RNF220: variants seen among roughly 807,000 people sequenced by gnomAD.
RNF220 encodes the protein E3 ubiquitin-protein ligase RNF220.
RNF220 carries 7 observed loss-of-function variants against 67.1 expected under a neutral mutation model. That is an observed-to-expected ratio of 0.10 (90% confidence interval 0.06 to 0.20). RNF220 has a LOEUF of 0.20. RNF220 is among the 10% of genes least tolerant of loss of function. The pLI, the probability that RNF220 is intolerant of heterozygous loss-of-function variation, is 1.00. For synonymous variants in RNF220, 270 were observed against 283.2 expected (o/e 0.95, Z 0.47); for missense variants, 565 against 740.3 (o/e 0.76, Z 2.75).
chr1:44,497,949 G>A (rs558265124), intron 2 of RNF220, among the ~76,000 whole-genome samples: 2 of 152,194 alleles, frequency 1.3e-5, no homozygotes, highest in Non-Finnish European at 2.9e-5. Context: ...CTTGATACTT[G>A]GAAAGCTGCT....
At chr1:44,589,769 T>C (rs1248948080) in intron 2 of RNF220, among the ~76,000 whole-genome samples, 1 of 152,154 alleles carries the variant, frequency 6.6e-6, no homozygotes, top group Non-Finnish European at 1.5e-5. Context: ...TCATCCCTTG[T>C]GTCTTATATT....
chr1:44,623,509 G>A (rs920275953), intron 4 of RNF220, among the ~76,000 whole-genome samples: 7 of 152,246 alleles, frequency 4.6e-5, no homozygotes, highest in African/African-American at 1.7e-4. Context: ...TACATGGGGA[G>A]AACCAAACCC....
chr1:44,418,451 C>A (rs1648833361), intron 2 of RNF220, among the ~76,000 whole-genome samples: 1 of 152,194 alleles, frequency 6.6e-6, no homozygotes, highest in Admixed American at 6.5e-5. Flanking sequence ...GTCCAGGGCT[C>A]CGTCCTTCGG....
At chr1:44,518,461 A>G (rs1256534518) in intron 2 of RNF220, among the ~76,000 whole-genome samples, 1 of 152,168 alleles carries the variant, frequency 6.6e-6, no homozygotes, top group Non-Finnish European at 1.5e-5. Context: ...CCTCTTCCTG[A>G]TGCCAAAGCT....
In RNF220 at chr1:44,645,937, G is replaced by C. The variant is rs954514103; in HGVS notation, c.1445+449G>C. Reference sequence around the variant, plus strand: ...CACTTCTGGTAGGAATTTTTGGCCTGGGTTCTCTGGCAGAGGAAAAGGGAT... The same window carrying C: ...CACTTCTGGTAGGAATTTTTGGCCTCGGTTCTCTGGCAGAGGAAAAGGGAT... On this transcript the variant is annotated intron_variant, in intron 12 of 14. Transcript: ENST00000361799. This position sits in a 1 kb window ranked among gnomAD's most constrained non-coding sequence, Gnocchi z 5.0. Among the ~76,000 whole-genome samples, 1 of 152,218 alleles carries C rather than the reference G, an allele frequency of 6.6e-6. No individual in the cohort carries two copies. The highest frequency in any genetic ancestry group is 1.5e-5 in the Non-Finnish European group (1 of 68,032).
chr1:44,639,488 C>T (rs1017128080), intron 8 of RNF220, among the ~76,000 whole-genome samples: 2 of 152,222 alleles, frequency 1.3e-5, no homozygotes, highest in African/African-American at 4.8e-5. Context: ...GGAAGCTTCA[C>T]AGGAAATGGA....
intron 2 of RNF220, among the ~76,000 whole-genome samples, chr1:44,459,868 A>G (rs570571640): frequency 7.5e-4 from 115 of 152,334 alleles, no homozygotes; most frequent in Admixed American, 2.5e-3. Context: ...TTCTCAATGC[A>G]TACTTGCTAA....
intron 2 of RNF220, among the ~76,000 whole-genome samples, chr1:44,610,022 C>T (rs1055684411): frequency 1.4e-4 from 22 of 152,200 alleles, no homozygotes; most frequent in Admixed American, 4.6e-4. Flanking sequence ...CTGCCCTCCT[C>T]CTGCTTGCAG....
chr1:44,502,687 A>G (rs547260489), intron 2 of RNF220, among the ~76,000 whole-genome samples: 5 of 152,334 alleles, frequency 3.3e-5, no homozygotes, highest in Admixed American at 2.0e-4. Context: ...CACACAATAC[A>G]TTGTAACATA....
intron 2 of RNF220, among the ~76,000 whole-genome samples, chr1:44,513,573 C>CG (rs1659209581): frequency 1.3e-5 from 2 of 152,024 alleles, no homozygotes; most frequent in South Asian, 2.1e-4. Context: ...GCCTTCCAGA[C>CG]GGGGGGAGAA....
At chr1:44,584,754 A>G (rs1490879767) in intron 2 of RNF220, among the ~76,000 whole-genome samples, 3 of 152,174 alleles carry the variant, frequency 2.0e-5, no homozygotes, top group African/African-American at 4.8e-5. Flanking sequence ...GCTGGAGTGC[A>G]GTGGCGCCAT....
At chr1:44,571,214 C>G (rs1457908521) in intron 2 of RNF220, among the ~76,000 whole-genome samples, 1 of 152,220 alleles carries the variant, frequency 6.6e-6, no homozygotes, top group Non-Finnish European at 1.5e-5. Context: ...TCCATCTGCT[C>G]TCTCTACCAC....
intron 4 of RNF220, among the ~76,000 whole-genome samples, chr1:44,625,300 C>G (rs1303322833): frequency 2.0e-5 from 3 of 152,336 alleles, no homozygotes; most frequent in Non-Finnish European, 4.4e-5. Context: ...TCCTCCAGCT[C>G]CTGGGGTATG....
rs545365979 is a variant in RNF220, at chr1:44,649,668, G to A, written c.1453G>A (p.Glu485Lys). Residue 485 changes from glutamate (E) to lysine (K), a missense_variant, in exon 13 of 15, where the codon GAA becomes AAA. Glu to Lys is a moderately conservative substitution (Grantham distance 56). Transcript: ENST00000361799. This position sits in a 1 kb window ranked among gnomAD's most constrained non-coding sequence, Gnocchi z 5.9. ...ATGCCTTCCTTTTTACAGAATCACC[G>A]AAGATTCAGCTGTGACCACGTTTGA... Reference protein sequence around the residue: ...CKNSDIEKITEDSAVTTFEAL... With the variant: ...CKNSDIEKITKDSAVTTFEAL... 1.7e-5 allele frequency: 28 copies of A among 1,613,956 alleles called. No homozygotes were observed. Among genetic ancestry groups the A allele is most frequent in the South Asian group, 2.2e-5 (2 of 91,068 alleles).
chr1:44,619,106 G>A (rs1239599581), intron 3 of RNF220, among the ~76,000 whole-genome samples: 1 of 152,158 alleles, frequency 6.6e-6, no homozygotes, highest in African/African-American at 2.4e-5. Flanking sequence ...GGAAGGAGTT[G>A]GCCCCCAGAC....
chr1:44,524,583 T>C (rs1485148229), intron 2 of RNF220, among the ~76,000 whole-genome samples: 2 of 152,202 alleles, frequency 1.3e-5, no homozygotes, highest in Non-Finnish European at 2.9e-5. Context: ...GGTCTATCTC[T>C]CCCTGCGTCT....
At chr1:44,487,742 T>C (rs1452657555) in intron 2 of RNF220, among the ~76,000 whole-genome samples, 1 of 149,624 alleles carries the variant, frequency 6.7e-6, no homozygotes, top group Non-Finnish European at 1.5e-5. Flanking sequence ...TAGCTGAGCA[T>C]GGTGGCACAC....
At chr1:44,445,368 C>A (rs982645952) in intron 2 of RNF220, among the ~76,000 whole-genome samples, 1 of 152,080 alleles carries the variant, frequency 6.6e-6, no homozygotes, top group Admixed American at 6.5e-5. Context: ...TAAGAGAAAC[C>A]CTGTTGTTGT....
At chr1:44,567,908 T>G (rs1664144207) in intron 2 of RNF220, among the ~76,000 whole-genome samples, 1 of 152,026 alleles carries the variant, frequency 6.6e-6, no homozygotes, top group Admixed American at 6.6e-5. Context: ...AGCTCCAGAC[T>G]CCACCCGGAC....
Sources: gnomAD v4.1 joint callset for allele counts (sites outside exome capture counted in the v4.1 genomes callset) on GRCh38, gnomAD v4.1.1 for gene constraint, Gnocchi (gnomAD v3.1) non-coding constraint, MANE v1.5 for transcripts, NCBI Gene and HGNC (gene_info 2026-07-23, HGNC 2026-07-21) for gene names.